Variants in SCAPER observed in about 807,000 individuals in gnomAD.
The protein encoded by SCAPER is S phase cyclin A-associated protein in the endoplasmic reticulum.
In SCAPER, 98 loss-of-function variants were observed where a neutral mutation model predicts 182.2. The observed-to-expected ratio is 0.54, with a 90% CI of 0.46 to 0.64. The LOEUF is 0.64. SCAPER is among the 30% of genes least tolerant of loss of function. SCAPER has a pLI of 0.00. For missense variants in SCAPER, 1,432 were observed against 1,690.0 expected, an observed-to-expected ratio of 0.85 and a Z score of 2.68; for synonymous variants, 605 against 564.6, an observed-to-expected ratio of 1.07 and a Z score of -1.01.
At chr15:76,816,426 C>A (rs1322311645) in intron 5 of SCAPER, among the ~76,000 whole-genome samples, 1 of 152,106 alleles carries the variant, frequency 6.6e-6, no homozygotes, top group East Asian at 1.9e-4. Flanking sequence ...TAGGCCTACC[C>A]AGGATCAGGA....
At chr15:76,879,716 C>G (rs1249667685) in intron 2 of SCAPER, among the ~76,000 whole-genome samples, 1 of 152,156 alleles carries the variant, frequency 6.6e-6, no homozygotes, top group Non-Finnish European at 1.5e-5. Flanking sequence ...TTCCTCTTAG[C>G]CCAGCCAAAG....
At chr15:76,394,383 TTTAA>T in intron 27 of SCAPER, among the ~76,000 whole-genome samples, 1 of 152,280 alleles carries the variant, frequency 6.6e-6, no homozygotes, top group African/African-American at 2.4e-5. Flanking sequence ...GATAGGGGAC[TTTAA>T]GTTTCCTTTC....
At chr15:76,727,980 G>C (rs1371309833) in intron 17 of SCAPER, among the ~76,000 whole-genome samples, 1 of 151,978 alleles carries the variant, frequency 6.6e-6, no homozygotes, top group African/African-American at 2.4e-5. Flanking sequence ...GGGACAAGTA[G>C]AAAAGCAAAT....
intron 25 of SCAPER, among the ~76,000 whole-genome samples, chr15:76,437,055 C>T (rs867414523): frequency 4.3e-4 from 65 of 152,274 alleles, no homozygotes; most frequent in African/African-American, 1.5e-3. Flanking sequence ...TTTTGTATGG[C>T]TGTGCCTGGT....
At chr15:76,471,115 T>A (rs2050126554) in intron 25 of SCAPER, 97 bp downstream of exon 25, 8 of 863,264 alleles carry the variant, frequency 9.3e-6, no homozygotes, top group Non-Finnish European at 1.2e-5. Context: ...TTTTTTTTCA[T>A]CTGGAGAGTA....
chr15:76,876,922 C>T lies in SCAPER; in HGVS notation c.6+6890G>A, dbSNP rs75128991. The stretch of plus-strand genomic sequence containing the variant: ...TTACACTAGAAAGTATAGAAATGCT[C>T]AAAGAATAATATGGACATACCAAAT... On this transcript the variant is annotated intron_variant, in intron 2 of 31. Transcript: ENST00000563290. Among the ~76,000 whole-genome samples the T allele has an allele frequency of 8.2e-3, 1,247 of 152,236 alleles. 7 individuals are homozygous for T. The highest frequency in any genetic ancestry group is 0.013 in the Non-Finnish European group (902 of 68,014).
rs542727693 is a variant in SCAPER at position 76,602,059 on chromosome 15, T to C, written c.2711+19705A>G. Among the ~76,000 whole-genome samples the C allele has an allele frequency of 7.4e-5, 9 of 121,912 alleles. 2 individuals carry two copies. In the East Asian group the frequency reaches 2.0e-3, roughly 27 times the overall value. 80.0% of individuals were successfully genotyped at this position (121,912 alleles called of 152,430 possible). On this transcript the variant is annotated intron_variant, in intron 22 of 31. Transcript: ENST00000563290. ...CTGCATATCATTGGGCTTGGGTAGT[T>C]CAAACCCATGCTGTCTAAGGGTCAA...
intron 23 of SCAPER, among the ~76,000 whole-genome samples, chr15:76,522,540 CAG>C (rs1567342399): frequency 2.0e-5 from 3 of 152,218 alleles, no homozygotes; most frequent in South Asian, 4.1e-4. Flanking sequence ...ATGGACTGTA[CAG>C]AGATTGTTGA....
At position 76,726,155 on chromosome 15, in the gene SCAPER, A is replaced by ATATATATATATATAT. The variant is rs1491513286; in HGVS notation, c.2165+2439_2165+2440insATATATATATATATA. Among the ~76,000 whole-genome samples, 31 of 97,304 alleles carry ATATATATATATATAT rather than the reference A, an allele frequency of 3.2e-4. 6 individuals carry two copies. Among genetic ancestry groups the ATATATATATATATAT allele is most frequent in the African/African-American group, 6.2e-4 (15 of 24,244 alleles). 63.8% of individuals were successfully genotyped at this position (97,304 alleles called of 152,430 possible). A position where few individuals can be genotyped will look rare whatever the true frequency, so the allele number is the denominator to read the frequency against. ...TATATATATATATATATATATATAT[A>ATATATATATATATAT]AAAAACTCTATAACCCAACAAGAAA... On this transcript the variant is annotated intron_variant, in intron 17 of 31. Transcript: ENST00000563290.
chr15:76,500,298 C>T (rs1417184142), intron 24 of SCAPER, among the ~76,000 whole-genome samples: 2 of 152,210 alleles, frequency 1.3e-5, no homozygotes, highest in Non-Finnish European at 2.9e-5. Context: ...AAGAAATAGG[C>T]ACCTGGTTAG....
chr15:76,501,327 A>T (rs2041095941), intron 24 of SCAPER, among the ~76,000 whole-genome samples: 4 of 146,044 alleles, frequency 2.7e-5, no homozygotes, highest in Non-Finnish European at 6.0e-5. Flanking sequence ...AGAAGTAGGT[A>T]TAACTCTCAA....
intron 21 of SCAPER, among the ~76,000 whole-genome samples, chr15:76,644,964 C>T (rs566950135): frequency 1.3e-5 from 2 of 151,920 alleles, no homozygotes; most frequent in South Asian, 2.1e-4. Context: ...CCATAGGTTC[C>T]GTATCCACAC....
chr15:76,651,876 C>CA (rs930980241), intron 21 of SCAPER, among the ~76,000 whole-genome samples: 19 of 149,364 alleles, frequency 1.3e-4, no homozygotes, highest in African/African-American at 4.7e-4. Flanking sequence ...AAATCCTCAA[C>CA]AAAATACTAG....
chr15:76,381,289 C>T, intron 28 of SCAPER, 89 bp downstream of exon 28: 1 of 1,022,442 alleles, frequency 9.8e-7, no homozygotes, highest in South Asian at 1.4e-5. Context: ...TTCCTTATGC[C>T]CCAATTCAGG....
At chr15:76,706,623 GA>G (rs2059276114) in intron 17 of SCAPER, among the ~76,000 whole-genome samples, 1 of 152,118 alleles carries the variant, frequency 6.6e-6, no homozygotes, top group Admixed American at 6.5e-5. Context: ...TAGAGGGTCT[GA>G]ACAAAAAGAC....
At chr15:76,833,960 T>C (rs181943524) in intron 5 of SCAPER, among the ~76,000 whole-genome samples, 2 of 152,154 alleles carry the variant, frequency 1.3e-5, no homozygotes, top group Non-Finnish European at 1.5e-5. Flanking sequence ...AGGTAGAAAA[T>C]TAACAAAGAT....
chr15:76,488,441 T>G (rs1214337135), intron 24 of SCAPER, among the ~76,000 whole-genome samples: 1 of 152,196 alleles, frequency 6.6e-6, no homozygotes, highest in Non-Finnish European at 1.5e-5. Flanking sequence ...TGTTTTGGCA[T>G]ATGTCATACT....
At chr15:76,883,600 T>G (rs903997858) in intron 2 of SCAPER, among the ~76,000 whole-genome samples, 1 of 152,204 alleles carries the variant, frequency 6.6e-6, no homozygotes, top group African/African-American at 2.4e-5. Flanking sequence ...CTAGGTACCA[T>G]AAGTGTTAGA....
intron 27 of SCAPER, among the ~76,000 whole-genome samples, chr15:76,392,987 G>C (rs994933680): frequency 6.6e-6 from 1 of 152,162 alleles, no homozygotes; most frequent in Admixed American, 6.6e-5. Flanking sequence ...CTACGAGCTG[G>C]GGCCCAGCCA....
Sources: allele counts gnomAD v4.1 joint callset (sites outside exome capture counted in the v4.1 genomes callset), GRCh38; gene constraint gnomAD v4.1.1; transcripts MANE v1.5; gene names NCBI Gene and HGNC (gene_info 2026-07-23, HGNC 2026-07-21).